The following SLIT2 variants were observed in gnomAD, a reference collection of about 807,000 sequenced individuals.
SLIT2 encodes slit guidance ligand 2.
In SLIT2, 41 loss-of-function variants were observed where a neutral mutation model predicts 185.7. The observed-to-expected ratio is 0.22, with a 90% CI of 0.17 to 0.29. The LOEUF is 0.29. Among genes scored for constraint, SLIT2 ranks in the 10% least tolerant of loss-of-function variants. The pLI is 1.00. For missense variants in SLIT2, 1,571 were observed against 1,909.0 expected (o/e 0.82, Z 3.30); for synonymous variants, 693 against 680.2 (o/e 1.02, Z -0.29).
chr4:20,272,721 G>A (rs1035840529), intron 4 of SLIT2, among the ~76,000 whole-genome samples: 1 of 152,024 alleles, frequency 6.6e-6, no homozygotes, highest in African/African-American at 2.4e-5. Context: ...GCACTTTTTA[G>A]AAACTCATTT....
chr4:20,352,543 T>G (rs1721971183), intron 4 of SLIT2, among the ~76,000 whole-genome samples: 1 of 152,224 alleles, frequency 6.6e-6, no homozygotes, highest in Non-Finnish European at 1.5e-5. Context: ...TGGAAAAATA[T>G]TAACTTGTAC....
intron 4 of SLIT2, among the ~76,000 whole-genome samples, chr4:20,341,774 T>C (rs1445582971): frequency 6.6e-6 from 1 of 152,216 alleles, no homozygotes; most frequent in Non-Finnish European, 1.5e-5. Context: ...TATTACATAC[T>C]CACACTTAAT....
At chr4:20,422,119 A>G (rs1033978255) in intron 4 of SLIT2, among the ~76,000 whole-genome samples, 8 of 152,118 alleles carry the variant, frequency 5.3e-5, no homozygotes, top group African/African-American at 1.9e-4. Context: ...TGTCATCTCA[A>G]TGAGATGACT....
intron 4 of SLIT2, among the ~76,000 whole-genome samples, chr4:20,347,991 T>C (rs1721561277): frequency 6.6e-6 from 1 of 152,220 alleles, no homozygotes; most frequent in Non-Finnish European, 1.5e-5. Context: ...ACACTAGTAC[T>C]GTTACAATTT....
At chr4:20,576,885 C>T (rs950747338) in intron 29 of SLIT2, among the ~76,000 whole-genome samples, 1 of 151,866 alleles carries the variant, frequency 6.6e-6, no homozygotes, top group African/African-American at 2.4e-5. Flanking sequence ...GTTTCAGTAG[C>T]TGCTGGAATT....
chr4:20,270,473 GA>G lies in SLIT2; in HGVS notation c.395+1598del, dbSNP rs1183814583. On this transcript the variant is annotated intron_variant, in intron 4 of 36. Coordinates refer to ENST00000504154, the MANE Select transcript of SLIT2 (RefSeq NM_004787.4). ...TTATAACTGTATGCAGCTGCTGTATGAAAAAAGACTTGAAATCTTTAAGTGA... is the reference window on the plus strand; with the variant it reads ...TTATAACTGTATGCAGCTGCTGTATGAAAAAGACTTGAAATCTTTAAGTGA... Among the ~76,000 whole-genome samples the G allele has an allele frequency of 8.6e-5, 13 of 151,956 alleles. No homozygotes were observed. In the East Asian group the frequency reaches 2.5e-3, roughly 29 times the overall value.
chr4:20,268,410 G>A (rs527512893), intron 3 of SLIT2, among the ~76,000 whole-genome samples: 2 of 151,396 alleles, frequency 1.3e-5, no homozygotes, highest in South Asian at 4.2e-4. Context: ...CAATTCCTTG[G>A]CTGAACTTTT....
Position 20,256,659 on chromosome 4 carries a change from G to A in SLIT2, c.180-13G>A, listed in dbSNP as rs748877391. On this transcript the variant is annotated splice_polypyrimidine_tract_variant and intron_variant, in intron 1 of 36. Transcript: ENST00000504154. ...AATAAAATGGAACTTTCACTTTCTG[G>A]TTTTTCTCTTAGGGATTTAAATGGA... is the stretch of plus-strand genomic sequence containing the variant. The A allele has an allele frequency of 6.9e-7, 1 of 1,459,854 alleles. No homozygotes were observed. Among genetic ancestry groups the A allele is most frequent in the East Asian group, 2.3e-5 (1 of 43,176 alleles). 90.4% of individuals were successfully genotyped at this position (1,459,854 alleles called of 1,614,324 possible). A position where few individuals can be genotyped will look rare whatever the true frequency, so the allele number is the denominator to read the frequency against.
At chr4:20,551,297 C>A (rs549823182) in intron 25 of SLIT2, among the ~76,000 whole-genome samples, 4 of 152,262 alleles carry the variant, frequency 2.6e-5, no homozygotes, top group Admixed American at 2.6e-4. Context: ...CTGATTTGCT[C>A]AAAGTGGATT....
chr4:20,380,888 C>G (rs916329184), intron 4 of SLIT2, among the ~76,000 whole-genome samples: 3 of 151,884 alleles, frequency 2.0e-5, no homozygotes, highest in African/African-American at 4.8e-5. Flanking sequence ...CAATTACAAA[C>G]CCCCAAACTA....
intron 26 of SLIT2, among the ~76,000 whole-genome samples, chr4:20,558,328 T>G (rs532350304): frequency 8.6e-5 from 13 of 151,972 alleles, no homozygotes; most frequent in Non-Finnish European, 1.6e-4. Context: ...CACCCCAACC[T>G]TCAGCAACCA....
intron 18 of SLIT2, among the ~76,000 whole-genome samples, chr4:20,536,761 A>C (rs1722332098): frequency 7.2e-6 from 1 of 139,780 alleles, no homozygotes; most frequent in Non-Finnish European, 1.6e-5. Flanking sequence ...CAGCTGTATA[A>C]ATTTTTTTAC....
intron 4 of SLIT2, among the ~76,000 whole-genome samples, chr4:20,435,638 G>A (rs536683256): frequency 1.6e-4 from 25 of 152,250 alleles, no homozygotes; most frequent in African/African-American, 5.1e-4. Flanking sequence ...TAGTGCAGGC[G>A]AAGGAAATTT....
intron 15 of SLIT2, among the ~76,000 whole-genome samples, 170 bp downstream of exon 15, chr4:20,525,342 A>C (rs1721193708): frequency 7.5e-6 from 1 of 133,360 alleles, no homozygotes; most frequent in Non-Finnish European, 1.6e-5. Context: ...TGACCTTTGC[A>C]TGCAGCTTCT....
intron 4 of SLIT2, among the ~76,000 whole-genome samples, chr4:20,432,697 T>A (rs1484357545): frequency 6.6e-6 from 1 of 152,176 alleles, no homozygotes; most frequent in Non-Finnish European, 1.5e-5. Flanking sequence ...TTGGAAAATC[T>A]GAAGAGCTCT....
At chr4:20,346,745 G>A (rs926260040) in intron 4 of SLIT2, among the ~76,000 whole-genome samples, 1 of 152,198 alleles carries the variant, frequency 6.6e-6, no homozygotes, top group East Asian at 1.9e-4. Flanking sequence ...AGGCCTGAGA[G>A]CCCCTGACTA....
At chr4:20,462,488 G>C (rs1354944144) in intron 4 of SLIT2, among the ~76,000 whole-genome samples, 1 of 152,068 alleles carries the variant, frequency 6.6e-6, no homozygotes, top group East Asian at 1.9e-4. Flanking sequence ...ATGGCTGTAA[G>C]TTCTCCCTGA....
chr4:20,552,323 TAG>T (rs1357155899), intron 25 of SLIT2: 2 of 151,804 alleles, frequency 1.3e-5, no homozygotes, highest in Non-Finnish European at 2.9e-5. Context: ...TGAGAGCAAG[TAG>T]AGTCTTCCTT....
At chr4:20,542,327 T>A (rs1722867161) in intron 20 of SLIT2, among the ~76,000 whole-genome samples, 167 bp from the exon 21 acceptor site, 1 of 152,220 alleles carries the variant, frequency 6.6e-6, no homozygotes, top group African/African-American at 2.4e-5. Context: ...AAAACAGTGC[T>A]ATATAGAACT....
Sources: allele counts gnomAD v4.1 joint callset (sites outside exome capture counted in the v4.1 genomes callset), GRCh38; gene constraint gnomAD v4.1.1; transcripts MANE v1.5; gene names NCBI Gene and HGNC (gene_info 2026-07-23, HGNC 2026-07-21).